The following ALOX5AP variants were observed in gnomAD, a reference collection of about 807,000 sequenced individuals.
The protein encoded by ALOX5AP is arachidonate 5-lipoxygenase activating protein, also known as arachidonate 5-lipoxygenase-activating protein.
ALOX5AP carries 9 observed loss-of-function variants against 18.5 expected under a neutral mutation model. The ratio of observed to expected loss-of-function variants is 0.49; its 90% CI spans 0.29 to 0.85. The LOEUF (loss-of-function observed/expected upper bound fraction) is 0.85. Ranked by LOEUF, ALOX5AP falls within the 40% of genes least tolerant of loss-of-function variation. The pLI is 0.08. For missense variants in ALOX5AP, 172 were observed against 202.5 expected (o/e 0.85, Z 0.91); for synonymous variants, 81 against 78.6 (o/e 1.03, Z -0.16).
intron 1 of ALOX5AP, among the ~76,000 whole-genome samples, chr13:30,742,735 T>C (rs535445579): frequency 6.6e-6 from 1 of 152,188 alleles, no homozygotes; most frequent in South Asian, 2.1e-4. Flanking sequence ...GAGGATAATA[T>C]GAAATTGATG....
At chr13:30,741,832 T>TTTG (rs1491562551) in intron 1 of ALOX5AP, among the ~76,000 whole-genome samples, 1 of 2,936 alleles carries the variant, frequency 3.4e-4, no homozygotes, top group African/African-American at 8.1e-4. Context: ...TGGTTTTCTG[T>TTTG]TTTTTTTTTT....
At chr13:30,741,902 TAGA>T (rs1009218782) in intron 1 of ALOX5AP, among the ~76,000 whole-genome samples, 1 of 149,386 alleles carries the variant, frequency 6.7e-6, no homozygotes. Context: ...CCCGCAGATA[TAGA>T]AGGTTGATTA....
intron 1 of ALOX5AP, among the ~76,000 whole-genome samples, chr13:30,723,370 A>T (rs79978871): frequency 8.7e-4 from 132 of 152,320 alleles, no homozygotes; most frequent in African/African-American, 3.1e-3. Context: ...TCTTTGCTCC[A>T]CTGTATTGCT....
chr13:30,737,562 G>A (rs1388014403), intron 1 of ALOX5AP, among the ~76,000 whole-genome samples: 2 of 152,202 alleles, frequency 1.3e-5, no homozygotes, highest in East Asian at 1.9e-4. Context: ...AGGGCACAGG[G>A]GCCTCACTAA....
chr13:30,733,289 A>T (rs1279463575), upstream of ALOX5AP, among the ~76,000 whole-genome samples: 1 of 152,152 alleles, frequency 6.6e-6, no homozygotes, highest in Non-Finnish European at 1.5e-5. Context: ...TGAGTGAATA[A>T]ATTCTCCTTT....
Position 30,752,067 on chromosome 13 carries a change from T to C in ALOX5AP, c.186T>C (p.Asp62=). ...TATTCTGCAGCCAGAACTGTGTAGA[T>C]GCGTACCCCACTTTCCTCGCTGTGC... is the stretch of plus-strand genomic sequence containing the variant. ...RVYTANQNCV[D]AYPTFLAVLW... is the part of the protein sequence containing the mutation. Residue 62 remains aspartate, a synonymous_variant, in exon 3 of 5, where the codon GAT becomes GAC. Transcript: ENST00000380490. The C allele has an allele frequency of 1.9e-6, 3 of 1,614,008 alleles. No homozygotes were observed. Among genetic ancestry groups the C allele is most frequent in the Admixed American group, 1.7e-5 (1 of 60,006 alleles).
intron 2 of ALOX5AP, among the ~76,000 whole-genome samples, chr13:30,751,648 T>C (rs955897476): frequency 2.0e-5 from 3 of 152,234 alleles, no homozygotes; most frequent in Non-Finnish European, 4.4e-5. Flanking sequence ...GTGGATCTGA[T>C]AGAAAAGTTT....
At chr13:30,761,740 C>T (rs890636549) in intron 4 of ALOX5AP, among the ~76,000 whole-genome samples, 1 of 152,180 alleles carries the variant, frequency 6.6e-6, no homozygotes, top group African/African-American at 2.4e-5. Context: ...CCACCTTCTA[C>T]CTGTGTCTTC....
chr13:30,758,395 C>T (rs936416939), intron 4 of ALOX5AP, among the ~76,000 whole-genome samples: 2 of 152,192 alleles, frequency 1.3e-5, no homozygotes, highest in African/African-American at 2.4e-5. Context: ...CCTCACCAAC[C>T]GAGGAGGAAT....
intron 2 of ALOX5AP, among the ~76,000 whole-genome samples, chr13:30,745,989 T>A (rs1376371964): frequency 1.3e-5 from 2 of 152,208 alleles, no homozygotes; most frequent in Non-Finnish European, 2.9e-5. Context: ...GGTTAGAAGT[T>A]AAGTTTCCAA....
upstream of ALOX5AP, chr13:30,735,460 GGAA>G (rs1951712854): frequency 9.0e-7 from 1 of 1,106,070 alleles, no homozygotes; most frequent in Non-Finnish European, 1.2e-6. Flanking sequence ...AAAAAAAAAA[GGAA>G]GAAGAAGGCA....
rs530940896 is a variant in ALOX5AP, at chr13:30,752,042, T to C, written c.171-10T>C. On this transcript the variant is annotated splice_polypyrimidine_tract_variant and intron_variant, in intron 2 of 4. Transcript: ENST00000380490. ...CTGATTGTTTTTCTCCTTGTTTGTT[T>C]ATTCTGCAGCCAGAACTGTGTAGAT... The C allele has an allele frequency of 1.9e-6, 3 of 1,614,002 alleles. No individual in the cohort carries two copies. Among genetic ancestry groups the C allele is most frequent in the Non-Finnish European group, 1.7e-6 (2 of 1,179,838 alleles).
intron 2 of ALOX5AP, among the ~76,000 whole-genome samples, chr13:30,749,057 A>G (rs1566086799): frequency 6.6e-6 from 1 of 152,256 alleles, no homozygotes; most frequent in Non-Finnish European, 1.5e-5. Context: ...CAGAGCCAGG[A>G]ACAAGGCTCT....
In ALOX5AP at chr13:30,735,604, A is replaced by G; in HGVS notation, c.-2A>G. The G allele has an allele frequency of 6.2e-7, 1 of 1,614,140 alleles. No individual in the cohort carries two copies. The highest frequency in any genetic ancestry group is 2.2e-5 in the East Asian group (1 of 44,882). On this transcript the variant is annotated 5_prime_UTR_variant, in exon 1 of 5. Transcript: ENST00000380490. ...GTCCTCTCTGGGGAGCCTGAAGCAA[A>G]CATGGATCAAGAAACTGTAGGCAAT...
At chr13:30,724,796 T>G (rs1032579262) in intron 1 of ALOX5AP, among the ~76,000 whole-genome samples, 4 of 152,186 alleles carry the variant, frequency 2.6e-5, no homozygotes, top group African/African-American at 9.7e-5. Context: ...CAGTGTTCCA[T>G]CATCAAATGG....
chr13:30,761,065 C>T (rs929128531), intron 4 of ALOX5AP, among the ~76,000 whole-genome samples: 4 of 152,206 alleles, frequency 2.6e-5, no homozygotes, highest in African/African-American at 9.7e-5. Flanking sequence ...GGTATCTGCC[C>T]ACCATGCTCA....
chr13:30,747,262 G>A (rs906265677), intron 2 of ALOX5AP, among the ~76,000 whole-genome samples: 7 of 152,072 alleles, frequency 4.6e-5, no homozygotes, highest in African/African-American at 7.2e-5. Context: ...CTGCAACCTC[G>A]GCCTCCCAGG....
intron 1 of ALOX5AP, among the ~76,000 whole-genome samples, chr13:30,714,899 A>G (rs1951537873): frequency 6.6e-6 from 1 of 151,930 alleles, no homozygotes. Context: ...CACTTATCAT[A>G]TTACCCACTG....
chr13:30,751,618 T>C (rs539292160), intron 2 of ALOX5AP, among the ~76,000 whole-genome samples: 3 of 152,350 alleles, frequency 2.0e-5, no homozygotes, highest in African/African-American at 7.2e-5. Flanking sequence ...TCAGCCTGGC[T>C]TGCAGACCTG....
Sources: allele counts gnomAD v4.1 joint callset (sites outside exome capture counted in the v4.1 genomes callset), GRCh38; gene constraint gnomAD v4.1.1; transcripts MANE v1.5; gene names NCBI Gene and HGNC (gene_info 2026-07-23, HGNC 2026-07-21).